Variants in SLCO1B3 observed in about 807,000 individuals in gnomAD.
The protein encoded by SLCO1B3 is solute carrier organic anion transporter family member 1B3.
Under a neutral mutation model 71.8 loss-of-function variants are expected in SLCO1B3, and 72 were observed. The ratio of observed to expected loss-of-function variants is 1.00; its 90% CI spans 0.83 to 1.22. The LOEUF (loss-of-function observed/expected upper bound fraction) is 1.22, where lower values mean the gene tolerates loss of function less well. Among genes scored for constraint, SLCO1B3 ranks in the 50% most tolerant of loss-of-function variants. The pLI, the probability that SLCO1B3 is intolerant of heterozygous loss-of-function variation, is 0.00. For missense variants in SLCO1B3, 911 were observed against 819.7 expected (o/e 1.11, Z -1.36); for synonymous variants, 298 against 278.4 (o/e 1.07, Z -0.70).
intron 3 of SLCO1B3, among the ~76,000 whole-genome samples, chr12:20,831,928 C>G (rs1018916329): frequency 6.6e-6 from 1 of 152,136 alleles, no homozygotes; most frequent in Non-Finnish European, 1.5e-5. Flanking sequence ...TACCACAGTT[C>G]CATCAACCAG....
chr12:20,859,030 G>A (rs1003711774), intron 5 of SLCO1B3: 27 of 152,462 alleles, frequency 1.8e-4, no homozygotes, highest in African/African-American at 6.3e-4. Context: ...ACTGAAAATA[G>A]CAATAACTTA....
intron 3 of SLCO1B3, among the ~76,000 whole-genome samples, chr12:20,832,453 CT>C (rs1444110801): frequency 1.3e-5 from 2 of 151,856 alleles, no homozygotes; most frequent in African/African-American, 4.8e-5. Flanking sequence ...ACCTGTACCC[CT>C]ATATTGTAAT....
chr12:20,915,893 A>G (rs758346537), intron 15 of SLCO1B3, 111 bp from the exon 16 acceptor site: 8 of 693,854 alleles, frequency 1.2e-5, no homozygotes, highest in African/African-American at 1.1e-4. Context: ...TAATATTTGT[A>G]TGTGTAACTT....
At chr12:20,846,931 G>A (rs534101126) in intron 3 of SLCO1B3, among the ~76,000 whole-genome samples, 1 of 152,114 alleles carries the variant, frequency 6.6e-6, no homozygotes, top group East Asian at 1.9e-4. Context: ...TCCTGCCAGT[G>A]ACACATTAAA....
chr12:20,867,665 T>G (rs1865399887), intron 8 of SLCO1B3, among the ~76,000 whole-genome samples: 1 of 152,224 alleles, frequency 6.6e-6, no homozygotes, highest in African/African-American at 2.4e-5. Context: ...TTGATGTATT[T>G]TACAACATGG....
chr12:20,893,540 A>G (rs1270221725), intron 13 of SLCO1B3, among the ~76,000 whole-genome samples: 1 of 152,182 alleles, frequency 6.6e-6, no homozygotes, highest in East Asian at 1.9e-4. Flanking sequence ...TCTACATTTC[A>G]GGCCCATTGA....
At chr12:20,866,262 C>T (rs7962678) in intron 8 of SLCO1B3, among the ~76,000 whole-genome samples, 110,033 of 151,944 alleles carry the variant, frequency 0.72, 42,442 homozygotes, top group South Asian at 0.9. Context: ...AATATAAATG[C>T]ATCCAGTACA....
Position 20,881,154 on chromosome 12 carries a change from G to C in SLCO1B3, c.1497+134G>C, listed in dbSNP as rs527325086. On this transcript the variant is annotated intron_variant, in intron 12 of 15. Coordinates refer to ENST00000381545, the MANE Select transcript of SLCO1B3 (RefSeq NM_019844.4). The stretch of plus-strand genomic sequence containing the variant: ...AAACAAAAAGATTCCAGTATTATCT[G>C]TCCTCGTGATAGCTGTGAAGTGTAA... 111 of 615,764 alleles carry C rather than the reference G, an allele frequency of 1.8e-4. 2 individuals are homozygous for C. The South Asian group carries it at 3.1e-3, about 17-fold the overall frequency. The allele number at this position is 615,764 out of a possible 1,614,324, so 38.1% of individuals were successfully genotyped here. A position where few individuals can be genotyped will look rare whatever the true frequency, so the allele number is the denominator to read the frequency against.
chr12:20,900,754 G>T (rs923431355), intron 14 of SLCO1B3, among the ~76,000 whole-genome samples: 1 of 152,164 alleles, frequency 6.6e-6, no homozygotes, highest in Non-Finnish European at 1.5e-5. Context: ...CACTAAGAAA[G>T]AGAGAATTGG....
Position 20,915,718 on chromosome 12 carries a change from T to C in SLCO1B3, c.1866-286T>C, listed in dbSNP as rs376794283. ...TTCTCAGTTTCTGTCTCCCACTCCT[T>C]AGGTAGAATGAGATGGCTTGAGGGG... is the stretch of plus-strand genomic sequence containing the variant. On this transcript the variant is annotated intron_variant, in intron 15 of 15. Coordinates refer to ENST00000381545, the MANE Select transcript of SLCO1B3 (RefSeq NM_019844.4). Among the ~76,000 whole-genome samples, 124 of 152,280 alleles carry C rather than the reference T, an allele frequency of 8.1e-4. 2 individuals are homozygous for C. The South Asian group carries it at 0.025, about 30-fold the overall frequency.
intron 3 of SLCO1B3, among the ~76,000 whole-genome samples, chr12:20,853,265 T>C (rs1369961337): frequency 1.3e-5 from 2 of 152,098 alleles, no homozygotes; most frequent in Non-Finnish European, 2.9e-5. Context: ...AGGGTAATTC[T>C]GGCCACATTA....
chr12:20,894,300 C>T (rs753805419), intron 13 of SLCO1B3, among the ~76,000 whole-genome samples: 39 of 152,104 alleles, frequency 2.6e-4, no homozygotes, highest in Admixed American at 1.6e-3. Context: ...TAACCATGCA[C>T]GAGCGTGTGC....
intron 3 of SLCO1B3, among the ~76,000 whole-genome samples, chr12:20,850,426 C>T (rs528246260): frequency 4.8e-4 from 73 of 151,952 alleles, no homozygotes; most frequent in Admixed American, 1.3e-3. Context: ...ACTGCAGGCA[C>T]CCACCACCAC....
At chr12:20,811,905 A>ATTTTTTTTTTTTTT (rs11292391) in intron 1 of SLCO1B3, among the ~76,000 whole-genome samples, 2 of 114,856 alleles carry the variant, frequency 1.7e-5, no homozygotes, top group Non-Finnish European at 3.6e-5. Context: ...TACTTGATAC[A>ATTTTTTTTTTTTTT]TTTTTTTTTT....
chr12:20,871,319 T>C (rs913454270), intron 8 of SLCO1B3, among the ~76,000 whole-genome samples: 2 of 152,210 alleles, frequency 1.3e-5, no homozygotes, highest in Non-Finnish European at 2.9e-5. Flanking sequence ...CTCTGTGTTA[T>C]CTTGAATTTC....
chr12:20,861,347 C>CT (rs4149159), intron 6 of SLCO1B3, among the ~76,000 whole-genome samples: 110,044 of 151,900 alleles, frequency 0.72, 42,449 homozygotes, highest in South Asian at 0.9. Flanking sequence ...TTATATGCAG[C>CT]TTTTGTCCAA....
At chr12:20,827,533 AT>A (rs1411633591) in intron 3 of SLCO1B3, among the ~76,000 whole-genome samples, 1 of 151,772 alleles carries the variant, frequency 6.6e-6, no homozygotes, top group African/African-American at 2.4e-5. Context: ...TATTTTAGAT[AT>A]TTTAGACTTC....
At chr12:20,822,575 C>T (rs1237358286) in intron 3 of SLCO1B3, among the ~76,000 whole-genome samples, 1 of 152,110 alleles carries the variant, frequency 6.6e-6, no homozygotes, top group Non-Finnish European at 1.5e-5. Context: ...ACGTGCAAGT[C>T]ACAGGGGATG....
intron 8 of SLCO1B3, among the ~76,000 whole-genome samples, chr12:20,864,980 A>G (rs1454436566): frequency 6.6e-6 from 1 of 152,092 alleles, no homozygotes; most frequent in Non-Finnish European, 1.5e-5. Context: ...TATACTTTTC[A>G]TACAGAATTT....
Sources: allele counts gnomAD v4.1 joint callset (sites outside exome capture counted in the v4.1 genomes callset), GRCh38; gene constraint gnomAD v4.1.1; transcripts MANE v1.5; gene names NCBI Gene and HGNC (gene_info 2026-07-23, HGNC 2026-07-21).